Variants in WDR4 observed in about 807,000 individuals in gnomAD.
WDR4 encodes the protein tRNA (guanine-N(7)-)-methyltransferase non-catalytic subunit WDR4.
In WDR4, 47 loss-of-function variants were observed where a neutral mutation model predicts 48.6. That is an observed-to-expected ratio of 0.97 (90% CI 0.77 to 1.23). The LOEUF is 1.23. Among genes scored for constraint, WDR4 ranks in the 50% most tolerant of loss-of-function variants. The pLI, the probability that WDR4 is intolerant of heterozygous loss-of-function variation, is 0.00. For synonymous variants in WDR4, 268 were observed against 230.0 expected (o/e 1.17, Z -1.49); for missense variants, 606 against 551.6 (o/e 1.10, Z -0.99).
At position 42,879,524 on chromosome 21, in the gene WDR4, T is replaced by C. The variant is rs747090545; in HGVS notation, c.-29A>G. 1.4e-5 allele frequency: 22 copies of C among 1,610,884 alleles called. No individual in the cohort carries two copies. Among genetic ancestry groups the C allele is most frequent in the Middle Eastern group, 1.6e-4 (1 of 6,074 alleles). On this transcript the variant is annotated 5_prime_UTR_variant, in exon 1 of 11. It removes an upstream start codon present in the reference 5' UTR. Coordinates refer to ENST00000398208, the MANE Select transcript of WDR4 (RefSeq NM_018669.6). ...CCCGCCCGCCTCACCGCCATACACA[T>C]GTGCCAGCCCAGAGCCTCTTCCTGT... is the stretch of plus-strand genomic sequence containing the variant.
chr21:42,855,640 C>A, intron 7 of WDR4, 42 bp downstream of exon 7: 1 of 1,473,012 alleles, frequency 6.8e-7, no homozygotes, highest in South Asian at 1.3e-5. Context: ...CTGCCGGTGT[C>A]TACAAGCACT....
At chr21:42,879,167 G>A in intron 1 of WDR4, 1 of 1,331,362 alleles carries the variant, frequency 7.5e-7, no homozygotes, top group Non-Finnish European at 9.6e-7. Context: ...CAGCCATCTA[G>A]TGCAAGGAGC....
chr21:42,879,998 C>CT (rs2058594113), upstream of WDR4: 3 of 384,204 alleles, frequency 7.8e-6, no homozygotes, highest in Non-Finnish European at 1.4e-5. Context: ...GGCGTGGTGG[C>CT]GTGCGACTGT....
intron 1 of WDR4, chr21:42,879,137 C>A (rs1012969432): frequency 4.0e-6 from 5 of 1,237,168 alleles, no homozygotes; most frequent in Non-Finnish European, 5.1e-6. Context: ...CGGCGCTAAC[C>A]GGGCAAGAAC....
intron 6 of WDR4, among the ~76,000 whole-genome samples, chr21:42,856,351 GA>G (rs1273266758): frequency 6.6e-6 from 1 of 152,100 alleles, no homozygotes; most frequent in African/African-American, 2.4e-5. Context: ...ATCATCAATG[GA>G]AAAAAGCGTT....
chr21:42,854,659 C>T (rs1436780405), intron 7 of WDR4, 33 bp from the exon 8 acceptor site: 2 of 1,607,190 alleles, frequency 1.2e-6, no homozygotes, highest in African/African-American at 2.7e-5. Flanking sequence ...AACTTCACGC[C>T]ACCTGCAGGG....
At chr21:42,863,231 C>A (rs74551948) in intron 4 of WDR4, among the ~76,000 whole-genome samples, 1 of 152,218 alleles carries the variant, frequency 6.6e-6, no homozygotes, top group East Asian at 1.9e-4. Flanking sequence ...CCATTCTCCC[C>A]ACCAAACGCT....
upstream of WDR4, among the ~76,000 whole-genome samples, chr21:42,882,690 C>G (rs181403708): frequency 1.4e-4 from 22 of 152,220 alleles, 1 homozygote; most frequent in East Asian, 4.1e-3. Context: ...AGGCCAGGCA[C>G]GGTGACTCAC....
In WDR4 at chr21:42,859,672, G is replaced by A. The variant is rs2146034090; in HGVS notation, c.617C>T (p.Ser206Phe). 1.3e-6 allele frequency: 2 copies of A among 1,554,876 alleles called. No individual in the cohort carries two copies. Among genetic ancestry groups the A allele is most frequent in the Middle Eastern group, 1.7e-4 (1 of 5,906 alleles). The part of the protein sequence containing the change: ...VVPTQPGLLL[S>F]SSGDGTLRLW... ...GGGCAGAACACTTACCCCAGAGGAG[G>A]ACAGAAGCAGCCCGGGCTGAGTTGG... The change falls in exon 6 of 11, where the codon TCC becomes TTC. Residue 206 changes from serine (S) to phenylalanine (F), a missense_variant. Ser to Phe is a radical substitution (Grantham distance 155). Coordinates refer to ENST00000398208, the MANE Select transcript of WDR4 (RefSeq NM_018669.6).
At chr21:42,860,015 C>T (rs868013356) in intron 5 of WDR4, among the ~76,000 whole-genome samples, 3 of 152,162 alleles carry the variant, frequency 2.0e-5, no homozygotes, top group Admixed American at 6.5e-5. Context: ...GAGACCCAAG[C>T]GCCTCTGTGC....
At position 42,876,775 on chromosome 21, in the gene WDR4, G is replaced by A. The variant is rs892591398; in HGVS notation, c.90-8C>T. 6.2e-7 allele frequency: 1 copy of A among 1,603,052 alleles called. No individual in the cohort carries two copies. Among genetic ancestry groups the A allele is most frequent in the Non-Finnish European group, 8.5e-7 (1 of 1,176,668 alleles). On this transcript the variant is annotated splice_polypyrimidine_tract_variant and splice_region_variant and intron_variant, in intron 1 of 10. Transcript: ENST00000398208. ...AAGAGGCTGTCATCATCACTAAAGAGAAATAACAATAATTTTAAAAGGAGT... is the reference window on the plus strand; with the variant it reads ...AAGAGGCTGTCATCATCACTAAAGAAAAATAACAATAATTTTAAAAGGAGT...
chr21:42,861,427 G>A (rs2058114554), intron 5 of WDR4, among the ~76,000 whole-genome samples: 1 of 152,010 alleles, frequency 6.6e-6, no homozygotes, highest in Non-Finnish European at 1.5e-5. Context: ...TCTAAGTGAT[G>A]AAGCATTTCC....
intron 3 of WDR4, among the ~76,000 whole-genome samples, chr21:42,865,484 C>G (rs185134648): frequency 6.6e-6 from 1 of 152,174 alleles, no homozygotes; most frequent in Non-Finnish European, 1.5e-5. Context: ...AGATGGCCCC[C>G]GACACCGTGC....
At chr21:42,848,638 TCA>T (rs199872822), downstream of WDR4, among the ~76,000 whole-genome samples, 24 of 33,804 alleles carry the variant, frequency 7.1e-4, 1 homozygote, top group South Asian at 1.1e-3. Context: ...ACCGCGCACC[TCA>T]CACACACAGC....
upstream of WDR4, among the ~76,000 whole-genome samples, chr21:42,882,665 G>A (rs188659183): frequency 6.6e-6 from 1 of 151,960 alleles, no homozygotes; most frequent in African/African-American, 2.4e-5. Flanking sequence ...TAGCACAATA[G>A]AAAAATGGGC....
In WDR4 at chr21:42,851,386, C is replaced by T. The variant is rs927865210; in HGVS notation, c.1045+869G>A. 3.2e-4 allele frequency among the ~76,000 whole-genome samples: 49 copies of T among 152,328 alleles called. 1 individual carries two copies. The highest frequency in any genetic ancestry group is 1.2e-3 in the Admixed American group (18 of 15,302). ...AGCCTCAGAGGCAGAGCCAGCGTGC[C>T]GCCACTCGGGGAGCCTGGCAGAAGG... On this transcript the variant is annotated intron_variant, in intron 10 of 10. Transcript: ENST00000398208.
At chr21:42,889,845 T>G in the WDR4 span, among the ~76,000 whole-genome samples, 19 of 152,318 alleles carry the variant, frequency 1.2e-4, 1 homozygote, top group Middle Eastern at 3.4e-3. Flanking sequence ...CCTCCTGGGT[T>G]CACAGCTCCC....
In WDR4 at chr21:42,878,013, C is replaced by T. The variant is rs1236034416; in HGVS notation, c.90-1246G>A. 2.0e-5 allele frequency among the ~76,000 whole-genome samples: 3 copies of T among 147,070 alleles called. No individual in the cohort carries two copies. In the Admixed American group the frequency reaches 2.0e-4, roughly 10 times the overall value. The stretch of plus-strand genomic sequence containing the variant: ...TGAGCCAAGATCGCGCCACTGCACT[C>T]CAGCCTGGGCGACAAAGCGAGACTC... On this transcript the variant is annotated intron_variant, in intron 1 of 10. Coordinates refer to ENST00000398208, the MANE Select transcript of WDR4 (RefSeq NM_018669.6).
intron 6 of WDR4, among the ~76,000 whole-genome samples, chr21:42,856,066 G>A (rs1471130426): frequency 1.3e-5 from 2 of 152,196 alleles, no homozygotes; most frequent in African/African-American, 2.4e-5. Context: ...AGCCAAGGCC[G>A]CTAGATGGCC....
Sources: allele counts gnomAD v4.1 joint callset (sites outside exome capture counted in the v4.1 genomes callset), GRCh38; gene constraint gnomAD v4.1.1; transcripts MANE v1.5; gene names NCBI Gene and HGNC (gene_info 2026-07-23, HGNC 2026-07-21).